Variants in C1orf105 observed in about 807,000 individuals in gnomAD.
C1orf105 encodes chromosome 1 open reading frame 105.
In C1orf105, 17 loss-of-function variants were observed where a neutral mutation model predicts 20.8. The observed-to-expected ratio is 0.82, with a 90% CI of 0.56 to 1.23. The LOEUF (loss-of-function observed/expected upper bound fraction) is 1.23, where lower values mean the gene tolerates loss of function less well. C1orf105 is among the 50% of genes most tolerant of loss of function. The pLI, the probability that C1orf105 is intolerant of heterozygous loss-of-function variation, is 0.00. For synonymous variants in C1orf105, 72 were observed against 72.1 expected, an observed-to-expected ratio of 1.00 and a Z score of 0.01; for missense variants, 219 against 213.5, an observed-to-expected ratio of 1.03 and a Z score of -0.16.
intron 5 of C1orf105, among the ~76,000 whole-genome samples, chr1:172,464,364 G>A (rs973628741): frequency 2.0e-5 from 3 of 152,140 alleles, no homozygotes; most frequent in African/African-American, 7.2e-5. Context: ...AAATAATCTC[G>A]GAAGATCTTT....
chr1:172,458,276 C>A (rs768923845), intron 4 of C1orf105, among the ~76,000 whole-genome samples: 12 of 152,114 alleles, frequency 7.9e-5, no homozygotes, highest in Non-Finnish European at 1.5e-4. Context: ...GAAAGAAGTA[C>A]AACTAGTCTA....
At chr1:172,436,946 T>C (rs1429394489) in intron 1 of C1orf105, among the ~76,000 whole-genome samples, 2 of 152,204 alleles carry the variant, frequency 1.3e-5, no homozygotes, top group African/African-American at 4.8e-5. Flanking sequence ...CAGACACTTC[T>C]CAGAAGAAGA....
intron 1 of C1orf105, among the ~76,000 whole-genome samples, chr1:172,441,077 C>T (rs1647250120): frequency 1.3e-5 from 2 of 152,198 alleles, no homozygotes; most frequent in South Asian, 2.1e-4. Flanking sequence ...TAAATGTCAC[C>T]GCCTCTCTTA....
intron 6 of C1orf105, among the ~76,000 whole-genome samples, chr1:172,467,496 A>G (rs1331074678): frequency 6.6e-6 from 1 of 152,202 alleles, no homozygotes; most frequent in Non-Finnish European, 1.5e-5. Context: ...CTCAATAAAC[A>G]TTAGTACAGA....
chr1:172,436,275 C>A (rs909822909), intron 1 of C1orf105, among the ~76,000 whole-genome samples: 7 of 152,148 alleles, frequency 4.6e-5, no homozygotes, highest in African/African-American at 1.4e-4. Flanking sequence ...AAAGAGCATG[C>A]ATTGCCAAGA....
At chr1:172,444,913 A>G (rs1167777595) in intron 1 of C1orf105, among the ~76,000 whole-genome samples, 160 bp from the exon 2 acceptor site, 1 of 152,242 alleles carries the variant, frequency 6.6e-6, no homozygotes, top group Non-Finnish European at 1.5e-5. Context: ...AGATGACATT[A>G]TTTGCACTTG....
At chr1:172,427,214 A>G (rs1048471935) in intron 1 of C1orf105, among the ~76,000 whole-genome samples, 1 of 152,162 alleles carries the variant, frequency 6.6e-6, no homozygotes, top group Non-Finnish European at 1.5e-5. Flanking sequence ...AAAGACTCTC[A>G]TCACCTCATC....
chr1:172,467,621 T>C (rs567979000), intron 6 of C1orf105, among the ~76,000 whole-genome samples: 61 of 152,308 alleles, frequency 4.0e-4, no homozygotes, highest in Admixed American at 1.0e-3. Context: ...TTAGTGTCTG[T>C]GACCTTGGAC....
intron 4 of C1orf105, among the ~76,000 whole-genome samples, chr1:172,459,394 CA>C (rs1649532404): frequency 6.6e-6 from 1 of 152,018 alleles, no homozygotes; most frequent in African/African-American, 2.4e-5. Context: ...TTTCAATAGA[CA>C]TTCTCTAAAG....
rs1203735292 is a variant in C1orf105 at position 172,468,624 on chromosome 1, C to T, written c.*30C>T. The T allele has an allele frequency of 9.4e-6, 15 of 1,595,758 alleles. No individual in the cohort carries two copies. The Admixed American group carries it at 2.4e-4, about 26-fold the overall frequency. On this transcript the variant is annotated 3_prime_UTR_variant, in exon 7 of 7. Coordinates refer to ENST00000367727, the MANE Select transcript of C1orf105 (RefSeq NM_139240.4). ...TAGGAGCTCATCACCTCCCAGACTC[C>T]CAGAGAGAAAATAACCTCGCCAAGC...
intron 3 of C1orf105, chr1:172,451,063 G>A (rs1233540281): frequency 1.3e-5 from 2 of 152,282 alleles, no homozygotes; most frequent in Non-Finnish European, 1.5e-5. Context: ...CATGATAGTT[G>A]GCTAACTGGG....
chr1:172,460,446 C>T (rs1473309530), intron 4 of C1orf105, among the ~76,000 whole-genome samples: 2 of 152,126 alleles, frequency 1.3e-5, no homozygotes, highest in East Asian at 1.9e-4. Flanking sequence ...AGCTCATCTT[C>T]CCCTTAATGC....
intron 1 of C1orf105, among the ~76,000 whole-genome samples, chr1:172,425,897 C>T (rs1237043190): frequency 6.7e-6 from 1 of 149,698 alleles, no homozygotes; most frequent in Non-Finnish European, 1.5e-5. Flanking sequence ...CCCACTCACA[C>T]GCTCACTACT....
At chr1:172,445,922 C>T (rs112190936) in intron 2 of C1orf105, among the ~76,000 whole-genome samples, 92 of 152,194 alleles carry the variant, frequency 6.0e-4, no homozygotes, top group African/African-American at 2.1e-3. Context: ...CGAAACAGCT[C>T]GTTAGAAAAG....
chr1:172,438,947 A>C (rs1200292386), intron 1 of C1orf105, among the ~76,000 whole-genome samples: 3 of 152,268 alleles, frequency 2.0e-5, no homozygotes, highest in Non-Finnish European at 4.4e-5. Flanking sequence ...CATTTTTAGC[A>C]AGAAAGCATT....
chr1:172,466,107 G>C (rs913637419), intron 6 of C1orf105, among the ~76,000 whole-genome samples: 5 of 152,106 alleles, frequency 3.3e-5, no homozygotes, highest in African/African-American at 4.8e-5. Flanking sequence ...CTATACATAT[G>C]GAAAAATCTT....
intron 4 of C1orf105, among the ~76,000 whole-genome samples, chr1:172,461,926 G>T (rs1055841413): frequency 6.6e-6 from 1 of 152,158 alleles, no homozygotes; most frequent in Non-Finnish European, 1.5e-5. Context: ...GTGTGTATTG[G>T]GGGTGGGGGC....
intron 1 of C1orf105, among the ~76,000 whole-genome samples, chr1:172,434,374 G>A (rs2071969974): frequency 1.3e-5 from 2 of 152,160 alleles, no homozygotes; most frequent in Admixed American, 1.3e-4. Context: ...CTCAGCAAAT[G>A]TAAAAGAACA....
intron 1 of C1orf105, among the ~76,000 whole-genome samples, chr1:172,437,383 C>T (rs1426027918): frequency 6.6e-6 from 1 of 152,008 alleles, no homozygotes; most frequent in African/African-American, 2.4e-5. Context: ...GGTACATATA[C>T]ACCATAGAAT....
Sources: allele counts gnomAD v4.1 joint callset (sites outside exome capture counted in the v4.1 genomes callset), GRCh38; gene constraint gnomAD v4.1.1; transcripts MANE v1.5; gene names NCBI Gene and HGNC (gene_info 2026-07-23, HGNC 2026-07-21).